TRIM24: variants seen among roughly 807,000 people sequenced by gnomAD.
TRIM24 encodes tripartite motif containing 24, also known as transcription intermediary factor 1-alpha.
TRIM24 carries 29 observed loss-of-function variants against 123.9 expected under a neutral mutation model. The ratio of observed to expected loss-of-function variants is 0.23; its 90% CI spans 0.17 to 0.32. TRIM24 has a LOEUF of 0.32. Ranked by LOEUF, TRIM24 falls within the 10% of genes least tolerant of loss-of-function variation. The pLI, the probability that TRIM24 is intolerant of heterozygous loss-of-function variation, is 1.00. For missense variants in TRIM24, 932 were observed against 1,295.3 expected, an observed-to-expected ratio of 0.72 and a Z score of 4.31; for synonymous variants, 456 against 461.1, an observed-to-expected ratio of 0.99 and a Z score of 0.14.
rs1304770700 is a variant in TRIM24 at position 138,586,465 on chromosome 7, C to G, written c.*1514C>G. The G allele has an allele frequency of 6.5e-6, 1 of 152,910 alleles. No homozygotes were observed. The highest frequency in any genetic ancestry group is 1.5e-5 in the Non-Finnish European group (1 of 68,568). 9.5% of individuals were successfully genotyped at this position (152,910 alleles called of 1,614,324 possible). A position where few individuals can be genotyped will look rare whatever the true frequency, so the allele number is the denominator to read the frequency against. On this transcript the variant is annotated 3_prime_UTR_variant, in exon 19 of 19. Coordinates refer to ENST00000343526, the MANE Select transcript of TRIM24 (RefSeq NM_015905.3). Reference sequence around the variant, plus strand: ...GGCTAATTCATTGGGTTTTCAGGTACTGCTAAAGATAAAATACAGGGAGAA... The same window carrying G: ...GGCTAATTCATTGGGTTTTCAGGTAGTGCTAAAGATAAAATACAGGGAGAA...
intron 5 of TRIM24, among the ~76,000 whole-genome samples, chr7:138,528,397 T>C (rs1239591159): frequency 6.6e-6 from 1 of 152,236 alleles, no homozygotes; most frequent in African/African-American, 2.4e-5. Flanking sequence ...CCTAGCTTCT[T>C]AGATAATATT....
intron 1 of TRIM24, among the ~76,000 whole-genome samples, chr7:138,464,183 A>T (rs959678959): frequency 3.3e-5 from 5 of 151,088 alleles, no homozygotes; most frequent in Non-Finnish European, 5.9e-5. Flanking sequence ...TTTTTAGTAG[A>T]GACGGGGTTT....
At chr7:138,488,423 C>A (rs1795698447) in intron 1 of TRIM24, among the ~76,000 whole-genome samples, 1 of 152,072 alleles carries the variant, frequency 6.6e-6, no homozygotes, top group African/African-American at 2.4e-5. Flanking sequence ...ATCTCTAGTT[C>A]CTTTAATTGT....
intron 11 of TRIM24, among the ~76,000 whole-genome samples, chr7:138,571,722 T>A (rs974822339): frequency 6.6e-6 from 1 of 152,210 alleles, no homozygotes; most frequent in African/African-American, 2.4e-5. Flanking sequence ...TGTTATTTAT[T>A]ATATTTTTAA....
At chr7:138,571,936 C>G (rs1368596727) in intron 11 of TRIM24, among the ~76,000 whole-genome samples, 1 of 152,098 alleles carries the variant, frequency 6.6e-6, no homozygotes, top group African/African-American at 2.4e-5. Flanking sequence ...TAAGTTGATT[C>G]TGTGTTTGAT....
At chr7:138,461,923 A>G (rs1414339764) in intron 1 of TRIM24, among the ~76,000 whole-genome samples, 1 of 152,140 alleles carries the variant, frequency 6.6e-6, no homozygotes, top group Non-Finnish European at 1.5e-5. Flanking sequence ...CTTCAAATAG[A>G]TTGTGGGCTG....
Position 138,482,164 on chromosome 7 carries a change from TC to T in TRIM24, c.364+21253del, listed in dbSNP as rs200170970. ...GGTCTTGCTATGTTGCCCAATTTGG[TC>T]TCGTACTCCTGACCTCAAATTGTCC... On this transcript the variant is annotated intron_variant, in intron 1 of 18. Coordinates refer to ENST00000343526, the MANE Select transcript of TRIM24 (RefSeq NM_015905.3). Among the ~76,000 whole-genome samples the T allele has an allele frequency of 5.7e-3, 861 of 152,284 alleles. 30 individuals are homozygous for T. Among genetic ancestry groups the T allele is most frequent in the Admixed American group, 0.047 (717 of 15,276 alleles).
chr7:138,525,032 C>T (rs1796579653), intron 4 of TRIM24, among the ~76,000 whole-genome samples: 1 of 152,052 alleles, frequency 6.6e-6, no homozygotes, highest in African/African-American at 2.4e-5. Flanking sequence ...GGTTCTCAAA[C>T]TTTCAAAATA....
chr7:138,571,329 T>C (rs974411991), intron 11 of TRIM24, among the ~76,000 whole-genome samples: 2 of 152,220 alleles, frequency 1.3e-5, no homozygotes, highest in East Asian at 3.9e-4. Context: ...AATTTGGATC[T>C]GGTAGAAGGC....
chr7:138,526,480 G>C (rs1282070566), intron 5 of TRIM24, among the ~76,000 whole-genome samples: 1 of 151,790 alleles, frequency 6.6e-6, no homozygotes, highest in Non-Finnish European at 1.5e-5. Flanking sequence ...GTCTCACTCT[G>C]TCACTTAAGC....
Position 138,585,674 on chromosome 7 carries a change from A to G in TRIM24, c.*723A>G, listed in dbSNP as rs1480703657. 6 of 384,884 alleles carry G rather than the reference A, an allele frequency of 1.6e-5. No individual in the cohort carries two copies. Among genetic ancestry groups the G allele is most frequent in the Non-Finnish European group, 3.0e-5 (6 of 199,930 alleles). 23.8% of individuals were successfully genotyped at this position (384,884 alleles called of 1,614,324 possible). ...TCAAGGCCATTTTTTATACATTTCT[A>G]GATCTAGATTTTCAACTTCTTCCAC... On this transcript the variant is annotated 3_prime_UTR_variant, in exon 19 of 19. Coordinates refer to ENST00000343526, the MANE Select transcript of TRIM24 (RefSeq NM_015905.3).
chr7:138,574,705 G>A (rs1797721575), intron 12 of TRIM24, among the ~76,000 whole-genome samples: 1 of 152,118 alleles, frequency 6.6e-6, no homozygotes, highest in African/African-American at 2.4e-5. Context: ...ATAGGTGGAA[G>A]GGGTATGAGT....
intron 9 of TRIM24, among the ~76,000 whole-genome samples, chr7:138,565,427 C>T (rs749886392): frequency 5.2e-5 from 5 of 95,264 alleles, no homozygotes; most frequent in Non-Finnish European, 2.6e-5. Flanking sequence ...TCATCCTGTT[C>T]CTGCTTAGGT....
intron 9 of TRIM24, among the ~76,000 whole-genome samples, chr7:138,567,098 T>A (rs570651138): frequency 6.9e-4 from 105 of 152,360 alleles, no homozygotes; most frequent in African/African-American, 2.5e-3. Flanking sequence ...GTTATTATTC[T>A]ACCATCACTT....
Position 138,488,326 on chromosome 7 carries a change from G to GT in TRIM24, c.365-15958dup, listed in dbSNP as rs934290095. 2.0e-5 allele frequency among the ~76,000 whole-genome samples: 3 copies of GT among 151,230 alleles called. No individual in the cohort carries two copies. The East Asian group carries it at 5.8e-4, about 29-fold the overall frequency. ...CTGAATTCATGAATTTTTTGAAGGG[G>GT]TTTTTTGTGTCTCTATCTCCTTCAG... On this transcript the variant is annotated intron_variant, in intron 1 of 18. Coordinates refer to ENST00000343526, the MANE Select transcript of TRIM24 (RefSeq NM_015905.3).
rs1177536350 is a variant in TRIM24 at position 138,460,698 on chromosome 7, C to A, written c.150C>A (p.Leu50=). The change falls in exon 1 of 19, where the codon CTC becomes CTA. Residue 50 remains leucine (L), a synonymous_variant. Coordinates refer to ENST00000343526, the MANE Select transcript of TRIM24 (RefSeq NM_015905.3). The part of the protein sequence containing the change: ...DSERGGEAAR[L]NLLDTCAVCH... ...AGCGCGGCGGCGAGGCGGCCCGGCT[C>A]AACCTGTTGGACACTTGCGCCGTGT... 3 of 1,554,332 alleles carry A rather than the reference C, an allele frequency of 1.9e-6. No homozygotes were observed. The highest frequency in any genetic ancestry group is 2.6e-6 in the Non-Finnish European group (3 of 1,155,206).
At chr7:138,553,461 A>AT (rs1304389060) in intron 8 of TRIM24, among the ~76,000 whole-genome samples, 2 of 152,218 alleles carry the variant, frequency 1.3e-5, no homozygotes, top group Non-Finnish European at 2.9e-5. Context: ...CATTTAATGA[A>AT]TAACTGTATA....
At position 138,460,406 on chromosome 7, in the gene TRIM24, G is replaced by C. The variant is rs927052293; in HGVS notation, c.-143G>C. ...GGGCCTGAGGAGGCTTCCCCCGCCC[G>C]GTTTGCTTTCCCTCCCTCGCTGGCG... On this transcript the variant is annotated 5_prime_UTR_variant, in exon 1 of 19. Coordinates refer to ENST00000343526, the MANE Select transcript of TRIM24 (RefSeq NM_015905.3). The C allele has an allele frequency of 8.7e-6, 8 of 917,970 alleles. No individual in the cohort carries two copies. In the Admixed American group the frequency reaches 2.6e-4, roughly 30 times the overall value. 56.9% of individuals were successfully genotyped at this position (917,970 alleles called of 1,614,324 possible).
At chr7:138,558,866 A>G (rs1043192755) in intron 9 of TRIM24, among the ~76,000 whole-genome samples, 11 of 152,166 alleles carry the variant, frequency 7.2e-5, no homozygotes, top group Admixed American at 1.3e-4. Flanking sequence ...GTGGTTGTTG[A>G]TAAGTGGACC....
Sources: allele counts gnomAD v4.1 joint callset (sites outside exome capture counted in the v4.1 genomes callset), GRCh38; gene constraint gnomAD v4.1.1; transcripts MANE v1.5; gene names NCBI Gene and HGNC (gene_info 2026-07-23, HGNC 2026-07-21).